The following GUCY2F variants were observed in gnomAD, a reference collection of about 807,000 sequenced individuals.
GUCY2F encodes the protein guanylate cyclase 2F, retinal, also known as retinal guanylyl cyclase 2.
In GUCY2F, 61 loss-of-function variants were observed where a neutral mutation model predicts 73.1. That is an observed-to-expected ratio of 0.83 (90% CI 0.68 to 1.03). The LOEUF (loss-of-function observed/expected upper bound fraction) is 1.03. Ranked by LOEUF, GUCY2F falls within the 50% of genes least tolerant of loss-of-function variation. The probability of loss-of-function intolerance (pLI) is 0.00; values close to 1 mark genes in which losing one functional copy is unlikely to be tolerated. For synonymous variants in GUCY2F, 331 were observed against 307.8 expected (o/e 1.08, Z -0.79); for missense variants, 912 against 854.3 (o/e 1.07, Z -0.84).
chrX:109,411,255 CAA>C (rs60845603), intron 8 of GUCY2F, among the ~76,000 whole-genome samples: 1,080 of 43,371 alleles, frequency 0.025, 16 homozygotes, highest in African/African-American at 0.068. Context: ...ACTCCATTTT[CAA>C]AAAAAAAAAA....
intron 15 of GUCY2F, among the ~76,000 whole-genome samples, chrX:109,386,547 AC>A (rs1223153827): frequency 7.2e-5 from 8 of 111,853 alleles, no homozygotes; most frequent in Non-Finnish European, 1.3e-4. Flanking sequence ...AGGATCTTGA[AC>A]CACTAGAGAA....
intron 8 of GUCY2F, among the ~76,000 whole-genome samples, chrX:109,416,251 T>C (rs1426747174): frequency 9.0e-6 from 1 of 111,075 alleles, no homozygotes; most frequent in Admixed American, 9.6e-5. Context: ...AATCTTGCAA[T>C]TAGCAGAAAA....
intron 2 of GUCY2F, among the ~76,000 whole-genome samples, chrX:109,469,356 G>A (rs1420096818): frequency 1.8e-5 from 2 of 110,995 alleles, no homozygotes; most frequent in Non-Finnish European, 3.8e-5. Flanking sequence ...GAGAGTAACT[G>A]TGTTTCTGAA....
chrX:109,425,531 T>C (rs1245946356), intron 8 of GUCY2F, among the ~76,000 whole-genome samples: 2 of 110,044 alleles, frequency 1.8e-5, no homozygotes, highest in Non-Finnish European at 3.8e-5. Flanking sequence ...ACTATTATTC[T>C]AAGTGAAGTA....
intron 7 of GUCY2F, among the ~76,000 whole-genome samples, chrX:109,436,973 T>G (rs1014196896): frequency 3.8e-5 from 4 of 104,061 alleles, no homozygotes; most frequent in African/African-American, 1.5e-4. Flanking sequence ...AAAAAGAAAA[T>G]AAACAATAAT....
intron 7 of GUCY2F, among the ~76,000 whole-genome samples, chrX:109,436,968 G>T (rs955817722): frequency 9.5e-6 from 1 of 105,569 alleles, no homozygotes; most frequent in African/African-American, 3.5e-5. Context: ...AGAAAAAAAA[G>T]AAAATAAACA....
chrX:109,407,284 G>T (rs969335216), intron 9 of GUCY2F, among the ~76,000 whole-genome samples: 1 of 112,223 alleles, frequency 8.9e-6, no homozygotes. Flanking sequence ...CTAGAGATTT[G>T]TGGAACTTTG....
intron 3 of GUCY2F, among the ~76,000 whole-genome samples, chrX:109,457,791 G>A (rs190372507): frequency 9.0e-6 from 1 of 111,396 alleles, no homozygotes; most frequent in East Asian, 2.8e-4. Context: ...AGGTCCCCAA[G>A]CTTTCTAAGA....
At chrX:109,411,790 G>A (rs7884483) in intron 8 of GUCY2F, among the ~76,000 whole-genome samples, 7,992 of 111,369 alleles carry the variant, frequency 0.072, 725 homozygotes, top group African/African-American at 0.25. Context: ...TTAAATTTTA[G>A]GTAAAATCAG....
At position 109,453,538 on chromosome X, in the gene GUCY2F, A is replaced by G; in HGVS notation, c.1354T>C (p.Cys452Arg). 1 of 1,204,855 alleles carries G rather than the reference A, an allele frequency of 8.3e-7. No individual in the cohort carries two copies. Among genetic ancestry groups the G allele is most frequent in the Non-Finnish European group, 1.1e-6 (1 of 890,523 alleles). Residue 452 changes from cysteine to arginine, a missense_variant, in exon 4 of 20, where the codon TGC becomes CGC. Transcript: ENST00000218006. ...CAGATCTTCCCTTCTGCAAACCAGC[A>G]TTTTGCATCTGCTCTAGGGGGCCTG... is the stretch of plus-strand genomic sequence containing the variant. Reference protein sequence around the residue: ...GGRPPRADAKCWFAEGKICHG... With the variant: ...GGRPPRADAKRWFAEGKICHG...
intron 2 of GUCY2F, among the ~76,000 whole-genome samples, chrX:109,467,583 G>A (rs1932495580): frequency 8.9e-6 from 1 of 112,685 alleles, no homozygotes; most frequent in Admixed American, 9.3e-5. Context: ...ATGGTGATGT[G>A]CCATCAAGAT....
chrX:109,449,040 CG>C (rs1932083741), intron 5 of GUCY2F, among the ~76,000 whole-genome samples: 1 of 111,401 alleles, frequency 9.0e-6, no homozygotes, highest in Admixed American at 9.6e-5. Context: ...CTTGATTAGT[CG>C]GTATGCTCGT....
At chrX:109,454,328 T>C (rs1030693877) in intron 3 of GUCY2F, among the ~76,000 whole-genome samples, 1 of 111,806 alleles carries the variant, frequency 8.9e-6, no homozygotes, top group Non-Finnish European at 1.9e-5. Flanking sequence ...TCCATGTCTG[T>C]ATCCTGTCTT....
At chrX:109,377,750 CAG>C (rs1197544295) in intron 17 of GUCY2F, among the ~76,000 whole-genome samples, 1 of 111,751 alleles carries the variant, frequency 8.9e-6, no homozygotes, top group African/African-American at 3.3e-5. Context: ...TAGAGGCTAA[CAG>C]AACAGCATGC....
intron 8 of GUCY2F, among the ~76,000 whole-genome samples, chrX:109,414,454 A>G (rs1931192381): frequency 8.9e-6 from 1 of 112,386 alleles, no homozygotes; most frequent in South Asian, 3.7e-4. Flanking sequence ...ACCAGGTACT[A>G]GTGAAAGACT....
At chrX:109,401,594 GA>G (rs1930840586) in intron 10 of GUCY2F, among the ~76,000 whole-genome samples, 1 of 111,986 alleles carries the variant, frequency 8.9e-6, no homozygotes, top group Non-Finnish European at 1.9e-5. Context: ...AAGGCACTGA[GA>G]AAGGCAAACC....
chrX:109,446,483 C>T (rs1285444813), intron 6 of GUCY2F, among the ~76,000 whole-genome samples: 1 of 110,482 alleles, frequency 9.1e-6, no homozygotes, highest in African/African-American at 3.4e-5. Context: ...CATCTACAAC[C>T]ATCTGATCTT....
chrX:109,456,393 C>T (rs1255797140), intron 3 of GUCY2F, among the ~76,000 whole-genome samples: 1 of 111,856 alleles, frequency 8.9e-6, no homozygotes, highest in Non-Finnish European at 1.9e-5. Context: ...TGAAAGCAAA[C>T]AGAATGCTAG....
At chrX:109,411,215 G>A (rs1451865336) in intron 8 of GUCY2F, among the ~76,000 whole-genome samples, 2 of 100,528 alleles carry the variant, frequency 2.0e-5, no homozygotes, top group African/African-American at 7.5e-5. Flanking sequence ...TCCCCCAACT[G>A]CTGTGAATGT....
Sources: allele counts gnomAD v4.1 joint callset (sites outside exome capture counted in the v4.1 genomes callset), GRCh38; gene constraint gnomAD v4.1.1; transcripts MANE v1.5; gene names NCBI Gene and HGNC (gene_info 2026-07-23, HGNC 2026-07-21).